RBFOX1: variants seen among roughly 807,000 people sequenced by gnomAD.
RBFOX1 encodes RNA binding fox-1 homolog 1, also known as RNA binding protein fox-1 homolog 1.
RBFOX1 carries 8 observed loss-of-function variants against 57.7 expected under a neutral mutation model. That is an observed-to-expected ratio of 0.14 (90% confidence interval 0.08 to 0.25). The LOEUF (loss-of-function observed/expected upper bound fraction) is 0.25, where lower values mean the gene tolerates loss of function less well. RBFOX1 is among the 10% of genes least tolerant of loss of function. RBFOX1 has a pLI of 1.00. For synonymous variants in RBFOX1, 326 were observed against 222.4 expected (o/e 1.47, Z -4.15); for missense variants, 611 against 548.5 (o/e 1.11, Z -1.14).
chr16:5,904,976 CA>C (rs57824134), intron 4 of RBFOX1, among the ~76,000 whole-genome samples: 34,240 of 66,606 alleles, frequency 0.51, 5,385 homozygotes, highest in Middle Eastern at 0.64. Flanking sequence ...GACTCCGTCT[CA>C]AAAAAAAAAA....
Position 6,679,433 on chromosome 16 carries a change from G to A in RBFOX1, c.-16+24783G>A, listed in dbSNP as rs536248649. Among the ~76,000 whole-genome samples the A allele has an allele frequency of 5.5e-4, 84 of 152,240 alleles. 2 individuals are homozygous for A. The South Asian group carries it at 7.3e-3, about 13-fold the overall frequency. On this transcript the variant is annotated intron_variant, in intron 3 of 15. Transcript: ENST00000550418. The stretch of plus-strand genomic sequence containing the variant: ...CATGCTTGCTGCAGACATCATTGCA[G>A]TGCCTCGTTTCTTGGTCTCACTTTC...
intron 3 of RBFOX1, among the ~76,000 whole-genome samples, chr16:6,913,358 G>A (rs906459893): frequency 6.6e-6 from 1 of 152,034 alleles, no homozygotes; most frequent in Non-Finnish European, 1.5e-5. Context: ...ACCCCCTTAT[G>A]AGCGTGTTAG....
At chr16:6,906,074 C>G (rs575317879) in intron 3 of RBFOX1, among the ~76,000 whole-genome samples, 1 of 151,872 alleles carries the variant, frequency 6.6e-6, no homozygotes, top group East Asian at 1.9e-4. Context: ...CCACCTGATA[C>G]TTTGTCTTCG....
intron 1 of RBFOX1, among the ~76,000 whole-genome samples, chr16:5,381,139 C>G (rs1222412441): frequency 6.6e-6 from 1 of 152,158 alleles, no homozygotes; most frequent in African/African-American, 2.4e-5. Context: ...ACTGAGGAAT[C>G]AGAAGAGCTA....
chr16:7,111,024 C>T (rs1371502681), intron 4 of RBFOX1, among the ~76,000 whole-genome samples: 1 of 152,116 alleles, frequency 6.6e-6, no homozygotes, highest in Non-Finnish European at 1.5e-5. Context: ...CCTAGAAGGG[C>T]ATGGCACACA....
intron 1 of RBFOX1, among the ~76,000 whole-genome samples, chr16:6,055,700 G>A (rs1337635204): frequency 6.6e-6 from 1 of 151,792 alleles, no homozygotes; most frequent in Non-Finnish European, 1.5e-5. Flanking sequence ...AAATCATTGC[G>A]ATAAGGAAGT....
At chr16:6,937,760 T>C (rs2077626328) in intron 3 of RBFOX1, among the ~76,000 whole-genome samples, 1 of 152,020 alleles carries the variant, frequency 6.6e-6, no homozygotes, top group African/African-American at 2.4e-5. Context: ...GACCAAAGTT[T>C]TATCGTGTGG....
In RBFOX1 at chr16:6,057,059, A is replaced by G. The variant is rs1001420773; in HGVS notation, c.-127+37067A>G. The G allele has an allele frequency of 3.4e-5, 5 of 148,562 alleles. No homozygotes were observed. The Admixed American group carries it at 3.4e-4, about 10-fold the overall frequency. The allele number at this position is 148,562 out of a possible 1,614,324, so 9.2% of individuals were successfully genotyped here. A position where few individuals can be genotyped will look rare whatever the true frequency, so the allele number is the denominator to read the frequency against. ...AGAAAGAGATTCACGTATGGCTGAA[A>G]TTTCCCGGAGAACACAGGAGGGGGG... On this transcript the variant is annotated intron_variant, in intron 1 of 15. Coordinates refer to ENST00000550418, the MANE Select transcript of RBFOX1 (RefSeq NM_018723.4).
chr16:6,079,467 A>G lies in RBFOX1; in HGVS notation c.-127+59475A>G, dbSNP rs545805861. 3.7e-4 allele frequency among the ~76,000 whole-genome samples: 56 copies of G among 152,266 alleles called. 2 individuals carry two copies. The South Asian group carries it at 0.011, about 29-fold the overall frequency. On this transcript the variant is annotated intron_variant, in intron 1 of 15. Transcript: ENST00000550418. ...GCTGGGACCACATGTGTGTGCCACC[A>G]TGCCTGGCTATTTATTTTTATTTGT...
chr16:6,891,514 C>A (rs201881198), intron 3 of RBFOX1, among the ~76,000 whole-genome samples: 4 of 152,046 alleles, frequency 2.6e-5, no homozygotes, highest in Non-Finnish European at 5.9e-5. Flanking sequence ...ATATCAGCTA[C>A]ATAAACTTCC....
intron 2 of RBFOX1, among the ~76,000 whole-genome samples, chr16:5,586,299 T>C (rs2046826676): frequency 6.6e-6 from 1 of 152,176 alleles, no homozygotes; most frequent in Non-Finnish European, 1.5e-5. Flanking sequence ...TTGGTGGCAA[T>C]TGCGTGACGG....
At chr16:6,992,882 G>T (rs2091724571) in intron 3 of RBFOX1, among the ~76,000 whole-genome samples, 1 of 149,062 alleles carries the variant, frequency 6.7e-6, no homozygotes, top group South Asian at 2.1e-4. Context: ...TATATTCAGT[G>T]CCCACCGCCC....
chr16:7,195,357 C>T (rs1350414158), intron 4 of RBFOX1, among the ~76,000 whole-genome samples: 1 of 152,102 alleles, frequency 6.6e-6, no homozygotes, highest in Admixed American at 6.6e-5. Context: ...TCACCAATGA[C>T]CTGGTGTGCA....
intron 3 of RBFOX1, among the ~76,000 whole-genome samples, chr16:6,740,473 G>C (rs909882921): frequency 2.0e-5 from 3 of 152,174 alleles, no homozygotes; most frequent in Admixed American, 6.5e-5. Flanking sequence ...TGGATTCCAT[G>C]GTTATAGAGT....
intron 1 of RBFOX1, among the ~76,000 whole-genome samples, chr16:5,400,370 G>A (rs1191990876): frequency 6.6e-6 from 1 of 152,106 alleles, no homozygotes; most frequent in Non-Finnish European, 1.5e-5. Context: ...TGGGGTTACA[G>A]GCGTGAGCCA....
intron 3 of RBFOX1, among the ~76,000 whole-genome samples, chr16:6,896,195 C>T (rs909762316): frequency 2.0e-5 from 3 of 152,210 alleles, no homozygotes; most frequent in African/African-American, 7.2e-5. Context: ...ATCACTTGAA[C>T]CTGGCAGGCG....
chr16:6,767,468 G>A (rs2077498092), intron 3 of RBFOX1, among the ~76,000 whole-genome samples: 1 of 152,130 alleles, frequency 6.6e-6, no homozygotes, highest in South Asian at 2.1e-4. Flanking sequence ...TCACTTATGT[G>A]AACGAATACA....
chr16:6,158,319 T>C (rs2096853164), intron 1 of RBFOX1, among the ~76,000 whole-genome samples: 1 of 152,164 alleles, frequency 6.6e-6, no homozygotes, highest in African/African-American at 2.4e-5. Context: ...AATCAGATAT[T>C]TGTGAACAAG....
rs572556186 is a variant in RBFOX1 at position 6,904,271 on chromosome 16, T to A, written c.-15-147786T>A. 3.9e-5 allele frequency among the ~76,000 whole-genome samples: 6 copies of A among 152,258 alleles called. No individual in the cohort carries two copies. The South Asian group carries it at 1.2e-3, about 32-fold the overall frequency. On this transcript the variant is annotated intron_variant, in intron 3 of 15. Transcript: ENST00000550418. The stretch of plus-strand genomic sequence containing the variant: ...GCAGGGACTTCTGTTGTTGAACCTG[T>A]TCTCTGTGAGGCACGAGTGGTAGGC...
Sources: allele counts gnomAD v4.1 joint callset (sites outside exome capture counted in the v4.1 genomes callset), GRCh38; gene constraint gnomAD v4.1.1; transcripts MANE v1.5; gene names NCBI Gene and HGNC (gene_info 2026-07-23, HGNC 2026-07-21).